Variants in NFKB1 observed in about 807,000 individuals in gnomAD.
NFKB1 encodes nuclear factor NF-kappa-B p105 subunit.
In NFKB1, 9 loss-of-function variants were observed where a neutral mutation model predicts 105.1. That is an observed-to-expected ratio of 0.09 (90% confidence interval 0.05 to 0.15). The LOEUF (loss-of-function observed/expected upper bound fraction) is 0.15. NFKB1 is among the 10% of genes least tolerant of loss of function. NFKB1 has a pLI of 1.00. For synonymous variants in NFKB1, 440 were observed against 442.2 expected (o/e 1.00, Z 0.06); for missense variants, 830 against 1,203.7 (o/e 0.69, Z 4.59).
chr4:102,539,438 A>G (rs1169634703), intron 5 of NFKB1, among the ~76,000 whole-genome samples: 1 of 152,084 alleles, frequency 6.6e-6, no homozygotes, highest in African/African-American at 2.4e-5. Flanking sequence ...TATGGGTACT[A>G]CTAGTCATAG....
At chr4:102,502,675 G>A (rs144563686) in intron 1 of NFKB1, among the ~76,000 whole-genome samples, 1 of 152,248 alleles carries the variant, frequency 6.6e-6, no homozygotes, top group Non-Finnish European at 1.5e-5. Context: ...GCCCTGACTT[G>A]CTGGTTTATC....
intron 5 of NFKB1, among the ~76,000 whole-genome samples, chr4:102,554,785 C>T (rs750522724): frequency 7.9e-5 from 12 of 152,152 alleles, no homozygotes; most frequent in East Asian, 1.9e-4. Context: ...CTCTGAGTCT[C>T]GCTTCTGGTT....
chr4:102,583,381 T>C (rs774416504), intron 10 of NFKB1, among the ~76,000 whole-genome samples: 4 of 152,198 alleles, frequency 2.6e-5, no homozygotes, highest in Non-Finnish European at 5.9e-5. Flanking sequence ...AACAGTACTA[T>C]TTTTAAGACT....
intron 22 of NFKB1, among the ~76,000 whole-genome samples, 183 bp downstream of exon 22, chr4:102,612,789 A>C (rs1728549464): frequency 6.6e-6 from 1 of 152,180 alleles, no homozygotes; most frequent in Non-Finnish European, 1.5e-5. Context: ...TGCTGTTTTC[A>C]GATACCTTCA....
chr4:102,516,430 G>A (rs62328542), intron 1 of NFKB1, among the ~76,000 whole-genome samples: 40,622 of 151,852 alleles, frequency 0.27, 6,702 homozygotes, highest in Admixed American at 0.41. Context: ...CTGAAGCTGT[G>A]TTCACTTCTT....
chr4:102,586,486 T>C lies in NFKB1; in HGVS notation c.1066+1666T>C, dbSNP rs115443089. Reference sequence around the variant, plus strand: ...TCAAGAGAGGACAGGGTGAGAAATTTAGCATTAGAATCATCTCAAAACGAG... The same window carrying C: ...TCAAGAGAGGACAGGGTGAGAAATTCAGCATTAGAATCATCTCAAAACGAG... On this transcript the variant is annotated intron_variant, in intron 11 of 23. Coordinates refer to ENST00000226574, the MANE Select transcript of NFKB1 (RefSeq NM_003998.4). Among the ~76,000 whole-genome samples, 1,360 of 152,274 alleles carry C rather than the reference T, an allele frequency of 8.9e-3. 14 individuals carry two copies. The highest frequency in any genetic ancestry group is 0.03 in the African/African-American group (1,249 of 41,550).
At chr4:102,533,529 A>C (rs1184872181) in intron 3 of NFKB1, among the ~76,000 whole-genome samples, 1 of 152,206 alleles carries the variant, frequency 6.6e-6, no homozygotes, top group African/African-American at 2.4e-5. Context: ...GTTAGGAGAC[A>C]AGATTATGAA....
At chr4:102,537,182 A>G (rs779848047) in intron 4 of NFKB1, among the ~76,000 whole-genome samples, 3 of 152,220 alleles carry the variant, frequency 2.0e-5, no homozygotes, top group Non-Finnish European at 2.9e-5. Flanking sequence ...TTAATTAACT[A>G]TATCTATAAA....
chr4:102,548,159 C>T (rs1722283348), intron 5 of NFKB1, among the ~76,000 whole-genome samples: 1 of 152,070 alleles, frequency 6.6e-6, no homozygotes. Context: ...GAAAGGAACT[C>T]ACGGGCCATT....
rs80159818 is a variant in NFKB1 at position 102,602,862 on chromosome 4, G to A, written c.1752+1853G>A. Among the ~76,000 whole-genome samples, 402 of 152,232 alleles carry A rather than the reference G, an allele frequency of 2.6e-3. 2 individuals carry two copies. Among genetic ancestry groups the A allele is most frequent in the African/African-American group, 8.8e-3 (364 of 41,536 alleles). The stretch of plus-strand genomic sequence containing the variant: ...TACCGTTTTGGGGTCATTGGTATCC[G>A]TAAGGTCATTTTGCCTGTAAAGCTT... On this transcript the variant is annotated intron_variant, in intron 16 of 23. Transcript: ENST00000226574.
At chr4:102,573,477 C>T (rs544279099) in intron 6 of NFKB1, among the ~76,000 whole-genome samples, 7 of 152,106 alleles carry the variant, frequency 4.6e-5, no homozygotes. Context: ...ATTTTCTCTT[C>T]CTCACTCGTT....
Position 102,616,721 on chromosome 4 carries a change from T to A in NFKB1, c.*127T>A. 3 of 957,510 alleles carry A rather than the reference T, an allele frequency of 3.1e-6. No individual in the cohort carries two copies. Among genetic ancestry groups the A allele is most frequent in the Non-Finnish European group, 4.5e-6 (3 of 660,720 alleles). The allele number at this position is 957,510 out of a possible 1,614,324, so 59.3% of individuals were successfully genotyped here. ...CGGCCCGCCTGAATCATTCTCGATT[T>A]AACTCGAGACCTTTTCAACTTGGCT... On this transcript the variant is annotated 3_prime_UTR_variant, in exon 24 of 24. Transcript: ENST00000226574.
chr4:102,577,184 A>T lies in NFKB1; in HGVS notation c.571+145A>T, dbSNP rs544807864. The T allele has an allele frequency of 2.5e-5, 20 of 785,756 alleles. No individual in the cohort carries two copies. The East Asian group carries it at 3.9e-4, about 15-fold the overall frequency. 48.7% of individuals were successfully genotyped at this position (785,756 alleles called of 1,614,324 possible). ...TCCTTGCTCAGAAACCTTTGATGGC[A>T]TCCTGCTACTTCTAGGATAAAAACT... On this transcript the variant is annotated intron_variant, in intron 7 of 23. Coordinates refer to ENST00000226574, the MANE Select transcript of NFKB1 (RefSeq NM_003998.4).
Position 102,612,128 on chromosome 4 carries a change from CAGATTCTCTT to C in NFKB1, c.2419+20_2419+29del. 1 of 1,604,956 alleles carries C rather than the reference CAGATTCTCTT, an allele frequency of 6.2e-7. No individual in the cohort carries two copies. The highest frequency in any genetic ancestry group is 2.2e-5 in the East Asian group (1 of 44,824). ...AGCACAAGGTGGGTTGTGATAAAACCAGATTCTCTTAACCATTATTATCTCCACACTGTCA... is the reference window on the plus strand; with the variant it reads ...AGCACAAGGTGGGTTGTGATAAAACCAACCATTATTATCTCCACACTGTCA... On this transcript the variant is annotated intron_variant, in intron 21 of 23. Transcript: ENST00000226574.
At chr4:102,536,520 G>A (rs567511738) in intron 4 of NFKB1, among the ~76,000 whole-genome samples, 1 of 152,160 alleles carries the variant, frequency 6.6e-6, no homozygotes, top group Non-Finnish European at 1.5e-5. Flanking sequence ...ATGCTTCCCA[G>A]AGATTTAAAT....
At chr4:102,536,441 T>C (rs1741642089) in intron 4 of NFKB1, among the ~76,000 whole-genome samples, 1 of 152,168 alleles carries the variant, frequency 6.6e-6, no homozygotes, top group Non-Finnish European at 1.5e-5. Context: ...CTTACTTATC[T>C]GGTAAATGTG....
At position 102,616,431 on chromosome 4, in the gene NFKB1, C is replaced by A. The variant is rs1728947149; in HGVS notation, c.2750-3C>A. ...CCAGTGAATTTGTGCTTTCTCCCCT[C>A]AGACGAGCTCCGAGACAGTGACAGT... On this transcript the variant is annotated splice_polypyrimidine_tract_variant and splice_region_variant and intron_variant, in intron 23 of 23. Transcript: ENST00000226574. 1 of 1,613,594 alleles carries A rather than the reference C, an allele frequency of 6.2e-7. No homozygotes were observed. Among genetic ancestry groups the A allele is most frequent in the Non-Finnish European group, 8.5e-7 (1 of 1,179,918 alleles).
chr4:102,605,943 A>C (rs1416113471), intron 16 of NFKB1, among the ~76,000 whole-genome samples: 1 of 152,218 alleles, frequency 6.6e-6, no homozygotes, highest in Non-Finnish European at 1.5e-5. Flanking sequence ...AAATTTCTTC[A>C]GTGAAAACAT....
intron 1 of NFKB1, among the ~76,000 whole-genome samples, chr4:102,509,975 G>A (rs1739671920): frequency 6.6e-6 from 1 of 152,008 alleles, no homozygotes; most frequent in Non-Finnish European, 1.5e-5. Context: ...TACTCCCTCC[G>A]GTGTTCCCCA....
Sources: gnomAD v4.1 joint callset for allele counts (sites outside exome capture counted in the v4.1 genomes callset) on GRCh38, gnomAD v4.1.1 for gene constraint, MANE v1.5 for transcripts, NCBI Gene and HGNC (gene_info 2026-07-23, HGNC 2026-07-21) for gene names.